Variants in FGF10 observed in about 807,000 individuals in gnomAD.
The protein encoded by FGF10 is FGF-10.
Under a neutral mutation model 19.8 loss-of-function variants are expected in FGF10, and 2 were observed. The ratio of observed to expected loss-of-function variants is 0.10; its 90% CI spans 0.04 to 0.32. FGF10 has a LOEUF of 0.32. Among genes scored for constraint, FGF10 ranks in the 10% least tolerant of loss-of-function variants. The pLI, the probability that FGF10 is intolerant of heterozygous loss-of-function variation, is 1.00. For synonymous variants in FGF10, 112 were observed against 94.0 expected, an observed-to-expected ratio of 1.19 and a Z score of -1.10; for missense variants, 191 against 246.3, an observed-to-expected ratio of 0.78 and a Z score of 1.50.
At chr5:44,341,876 CATTA>C (rs1454725258) in intron 1 of FGF10, among the ~76,000 whole-genome samples, 1 of 151,686 alleles carries the variant, frequency 6.6e-6, no homozygotes, top group African/African-American at 2.4e-5. Flanking sequence ...GTAAGTAATA[CATTA>C]TTTAAGGTAT....
At chr5:44,386,875 A>C (rs768044669) in intron 1 of FGF10, among the ~76,000 whole-genome samples, 24 of 152,318 alleles carry the variant, frequency 1.6e-4, no homozygotes, top group Middle Eastern at 6.8e-3. Context: ...AATTCTTGTA[A>C]ATTTGTATTC....
At chr5:44,358,392 G>C (rs138539089) in intron 1 of FGF10, among the ~76,000 whole-genome samples, 317 of 151,552 alleles carry the variant, frequency 2.1e-3, no homozygotes, top group African/African-American at 7.4e-3. Flanking sequence ...TTATGTTCAA[G>C]ATTTGAACCT....
At chr5:44,338,178 T>C (rs1207236340) in intron 1 of FGF10, among the ~76,000 whole-genome samples, 2 of 152,168 alleles carry the variant, frequency 1.3e-5, no homozygotes, top group African/African-American at 4.8e-5. Flanking sequence ...CTATAAAAGC[T>C]ACCATTTAAT....
At chr5:44,347,413 G>T (rs1741112925) in intron 1 of FGF10, among the ~76,000 whole-genome samples, 1 of 151,638 alleles carries the variant, frequency 6.6e-6, no homozygotes. Flanking sequence ...GCCTAGTCTG[G>T]CTCTGCCCAC....
chr5:44,311,242 T>G (rs1263509457), intron 1 of FGF10, among the ~76,000 whole-genome samples: 1 of 152,006 alleles, frequency 6.6e-6, no homozygotes, highest in East Asian at 1.9e-4. Context: ...AGAGCTCCTT[T>G]TCCCCTTATA....
intron 1 of FGF10, among the ~76,000 whole-genome samples, chr5:44,361,164 T>C (rs1741473427): frequency 6.6e-6 from 1 of 151,670 alleles, no homozygotes; most frequent in Admixed American, 6.6e-5. Flanking sequence ...AGTGCTGAAA[T>C]CTTGACTGGA....
At chr5:44,350,094 G>A (rs1030537396) in intron 1 of FGF10, among the ~76,000 whole-genome samples, 5 of 150,722 alleles carry the variant, frequency 3.3e-5, no homozygotes, top group South Asian at 4.2e-4. Context: ...AATTGTCCAC[G>A]TCAAAAACTG....
rs13186320 is a variant in FGF10 at position 44,302,075 on chromosome 5, A to G, written c.*2920T>C. 3.5e-3 allele frequency among the ~76,000 whole-genome samples: 513 copies of G among 146,884 alleles called. 3 individuals carry two copies. The highest frequency in any genetic ancestry group is 5.4e-3 in the Non-Finnish European group (362 of 66,542). On this transcript the variant is annotated 3_prime_UTR_variant, in exon 3 of 3. Transcript: ENST00000264664. ...AGAGGCAGATCTCTCAATAGCTCCA[A>G]TTTTTTTTTTTTTCAAATCTACAAC... is the stretch of plus-strand genomic sequence containing the variant.
rs1381049159 is a variant in FGF10, at chr5:44,373,391, T to C, written c.325+14967A>G. Reference sequence around the variant, plus strand: ...GATAGGCTGAGAATTTCCCAAATCATCAAGTGCTATTTTGATTCTGCTTAA... The same window carrying C: ...GATAGGCTGAGAATTTCCCAAATCACCAAGTGCTATTTTGATTCTGCTTAA... On this transcript the variant is annotated intron_variant, in intron 1 of 2. Coordinates refer to ENST00000264664, the MANE Select transcript of FGF10 (RefSeq NM_004465.2). 2.0e-5 allele frequency among the ~76,000 whole-genome samples: 3 copies of C among 152,292 alleles called. No individual in the cohort carries two copies. In the East Asian group the frequency reaches 5.8e-4, roughly 29 times the overall value.
intron 1 of FGF10, among the ~76,000 whole-genome samples, chr5:44,368,663 C>G (rs1225413055): frequency 6.6e-6 from 1 of 151,490 alleles, no homozygotes; most frequent in Non-Finnish European, 1.5e-5. Flanking sequence ...ATTGTGCTGT[C>G]AATTTTTTTG....
chr5:44,322,423 G>A (rs551352933), intron 1 of FGF10, among the ~76,000 whole-genome samples: 1 of 152,270 alleles, frequency 6.6e-6, no homozygotes, highest in South Asian at 2.1e-4. Flanking sequence ...CTTTCTCACA[G>A]CTGGTACATG....
intron 1 of FGF10, among the ~76,000 whole-genome samples, chr5:44,359,283 C>T (rs532452418): frequency 6.6e-6 from 1 of 151,550 alleles, no homozygotes; most frequent in South Asian, 2.1e-4. Context: ...GTTATATTGG[C>T]ACACAGGGAA....
At chr5:44,355,051 T>C (rs902437986) in intron 1 of FGF10, among the ~76,000 whole-genome samples, 2 of 151,490 alleles carry the variant, frequency 1.3e-5, no homozygotes, top group Non-Finnish European at 3.0e-5. Flanking sequence ...ATGTACCTAG[T>C]CTCTAAATTA....
chr5:44,338,517 A>G (rs181743869), intron 1 of FGF10, among the ~76,000 whole-genome samples: 1 of 152,316 alleles, frequency 6.6e-6, no homozygotes, highest in African/African-American at 2.4e-5. Context: ...TGCGGCACAG[A>G]TACTATTCAG....
chr5:44,318,552 C>T (rs549275213), intron 1 of FGF10, among the ~76,000 whole-genome samples: 2 of 152,184 alleles, frequency 1.3e-5, no homozygotes, highest in African/African-American at 4.8e-5. Context: ...TGTGTCTTCT[C>T]GCGAGCATTG....
chr5:44,378,534 C>A (rs1741916709), intron 1 of FGF10, among the ~76,000 whole-genome samples: 1 of 152,162 alleles, frequency 6.6e-6, no homozygotes, highest in East Asian at 1.9e-4. Context: ...CGGGTTCACA[C>A]CATTCTCCTG....
chr5:44,348,537 A>G (rs1166112336), intron 1 of FGF10, among the ~76,000 whole-genome samples: 1 of 151,530 alleles, frequency 6.6e-6, no homozygotes, highest in East Asian at 2.0e-4. Flanking sequence ...GCAAGTTTCT[A>G]TCACTCCCAT....
chr5:44,308,230 C>A (rs895066244), intron 2 of FGF10, among the ~76,000 whole-genome samples: 1 of 151,464 alleles, frequency 6.6e-6, no homozygotes, highest in African/African-American at 2.4e-5. Context: ...TGTGTTGGGG[C>A]AGAAGAAAAA....
intron 1 of FGF10, among the ~76,000 whole-genome samples, chr5:44,342,678 G>T (rs1476185685): frequency 6.6e-6 from 1 of 151,714 alleles, no homozygotes; most frequent in Admixed American, 6.6e-5. Flanking sequence ...CCACACTAAA[G>T]TTCATCTACA....
Sources: allele counts gnomAD v4.1 joint callset (sites outside exome capture counted in the v4.1 genomes callset), GRCh38; gene constraint gnomAD v4.1.1; transcripts MANE v1.5; gene names NCBI Gene and HGNC (gene_info 2026-07-23, HGNC 2026-07-21).